The following RBFOX1 variants were observed in gnomAD, a reference collection of about 807,000 sequenced individuals.
RBFOX1 encodes RNA binding fox-1 homolog 1, also known as RNA binding protein fox-1 homolog 1.
In RBFOX1, 8 loss-of-function variants were observed where a neutral mutation model predicts 57.7. That is an observed-to-expected ratio of 0.14 (90% CI 0.08 to 0.25). The LOEUF (loss-of-function observed/expected upper bound fraction) is 0.25, where lower values mean the gene tolerates loss of function less well. Ranked by LOEUF, RBFOX1 falls within the 10% of genes least tolerant of loss-of-function variation. The pLI is 1.00. For missense variants in RBFOX1, 611 were observed against 548.5 expected, an observed-to-expected ratio of 1.11 and a Z score of -1.14; for synonymous variants, 326 against 222.4, an observed-to-expected ratio of 1.47 and a Z score of -4.15.
At chr16:5,700,084 G>A (rs1249707620) in intron 3 of RBFOX1, among the ~76,000 whole-genome samples, 12 of 152,242 alleles carry the variant, frequency 7.9e-5, no homozygotes, top group Admixed American at 2.0e-4. Flanking sequence ...TGCCCGCCTT[G>A]GCCTCCCAAA....
intron 3 of RBFOX1, among the ~76,000 whole-genome samples, chr16:6,993,011 C>T (rs2091746504): frequency 6.6e-6 from 1 of 152,102 alleles, no homozygotes; most frequent in Non-Finnish European, 1.5e-5. Flanking sequence ...GGGAATAGTT[C>T]TTGTCTGAAT....
At chr16:5,986,657 CT>C (rs1306921703) in intron 4 of RBFOX1, among the ~76,000 whole-genome samples, 2 of 152,258 alleles carry the variant, frequency 1.3e-5, no homozygotes, top group East Asian at 1.9e-4. Flanking sequence ...TTAGGATGGG[CT>C]TTTTTTCACT....
intron 3 of RBFOX1, chr16:5,611,284 A>C (rs146001277): frequency 6.6e-6 from 1 of 152,026 alleles, no homozygotes; most frequent in Non-Finnish European, 1.5e-5. Flanking sequence ...GGCTCCACTT[A>C]CTTCCTTCAT....
At chr16:6,828,501 C>G (rs768862943) in intron 3 of RBFOX1, among the ~76,000 whole-genome samples, 1 of 150,776 alleles carries the variant, frequency 6.6e-6, no homozygotes, top group African/African-American at 2.4e-5. Context: ...TCCAGCCTGG[C>G]AACAGAGCGA....
At chr16:5,339,586 G>A (rs1346138385) in intron 1 of RBFOX1, among the ~76,000 whole-genome samples, 1 of 142,920 alleles carries the variant, frequency 7.0e-6, no homozygotes, top group African/African-American at 2.6e-5. Flanking sequence ...GGGTTCAGGT[G>A]ATTCTCCTTC....
intron 2 of RBFOX1, among the ~76,000 whole-genome samples, chr16:6,327,162 T>C (rs764950189): frequency 2.6e-5 from 4 of 152,192 alleles, no homozygotes; most frequent in Non-Finnish European, 5.9e-5. Flanking sequence ...TCCAAAGCTG[T>C]GGTCATCATG....
At chr16:7,600,054 A>T (rs1423714202) in intron 9 of RBFOX1, among the ~76,000 whole-genome samples, 1 of 152,164 alleles carries the variant, frequency 6.6e-6, no homozygotes, top group Non-Finnish European at 1.5e-5. Flanking sequence ...CAACTACAAT[A>T]ACAAAAAAAT....
intron 4 of RBFOX1, among the ~76,000 whole-genome samples, chr16:7,190,225 G>T (rs949497974): frequency 6.6e-6 from 1 of 152,104 alleles, no homozygotes; most frequent in Non-Finnish European, 1.5e-5. Context: ...CCCAGGCATG[G>T]TGGCACACCT....
intron 12 of RBFOX1, among the ~76,000 whole-genome samples, chr16:7,657,648 C>G (rs1329961461): frequency 1.3e-5 from 2 of 152,200 alleles, no homozygotes; most frequent in East Asian, 1.9e-4. Context: ...CCTTCCATGT[C>G]TTGATATTTT....
At position 6,789,337 on chromosome 16, in the gene RBFOX1, G is replaced by T. The variant is rs1010272143; in HGVS notation, c.-16+134687G>T. Among the ~76,000 whole-genome samples, 4 of 152,178 alleles carry T rather than the reference G, an allele frequency of 2.6e-5. No individual in the cohort carries two copies. In the East Asian group the frequency reaches 7.7e-4, roughly 29 times the overall value. On this transcript the variant is annotated intron_variant, in intron 3 of 15. Coordinates refer to ENST00000550418, the MANE Select transcript of RBFOX1 (RefSeq NM_018723.4). ...TAAGACCTTGTCTTCAAGGTGGTGA[G>T]TTTCCGCTTTGAGATGTATTCCAGA...
At chr16:7,408,003 A>G (rs1489627626) in intron 4 of RBFOX1, among the ~76,000 whole-genome samples, 1 of 152,218 alleles carries the variant, frequency 6.6e-6, no homozygotes, top group African/African-American at 2.4e-5. Flanking sequence ...TAAAATATTT[A>G]TTCCGTGGCT....
chr16:6,880,933 T>G (rs2062807770), intron 3 of RBFOX1, among the ~76,000 whole-genome samples: 1 of 152,174 alleles, frequency 6.6e-6, no homozygotes, highest in Non-Finnish European at 1.5e-5. Flanking sequence ...AAGATGTAAA[T>G]GCTACATTAG....
At chr16:5,507,437 A>G (rs1483486844) in intron 2 of RBFOX1, among the ~76,000 whole-genome samples, 1 of 152,026 alleles carries the variant, frequency 6.6e-6, no homozygotes, top group East Asian at 1.9e-4. Flanking sequence ...TGGTGCATGA[A>G]TGGGGGTTGG....
chr16:7,026,800 T>G (rs774242751), intron 3 of RBFOX1, among the ~76,000 whole-genome samples: 5 of 152,166 alleles, frequency 3.3e-5, no homozygotes, highest in Non-Finnish European at 7.3e-5. Context: ...TAAATGAGAT[T>G]TAGAAAAAGT....
At chr16:5,731,360 T>G (rs2052367264) in intron 3 of RBFOX1, among the ~76,000 whole-genome samples, 1 of 152,190 alleles carries the variant, frequency 6.6e-6, no homozygotes, top group Admixed American at 6.5e-5. Flanking sequence ...TATTAATCAA[T>G]TCATATTTAC....
chr16:5,552,069 A>G (rs1446324257), intron 2 of RBFOX1, among the ~76,000 whole-genome samples: 3 of 152,192 alleles, frequency 2.0e-5, no homozygotes, highest in Non-Finnish European at 4.4e-5. Flanking sequence ...ATGCATAATA[A>G]TGAAACAGAC....
chr16:6,903,484 C>G (rs1015367794), intron 3 of RBFOX1, among the ~76,000 whole-genome samples: 1 of 152,176 alleles, frequency 6.6e-6, no homozygotes, highest in Non-Finnish European at 1.5e-5. Flanking sequence ...GTCTAGTGTT[C>G]AGCAAGTGCT....
At chr16:6,052,942 T>C (rs1596733818) in intron 1 of RBFOX1, among the ~76,000 whole-genome samples, 1 of 152,102 alleles carries the variant, frequency 6.6e-6, no homozygotes, top group Non-Finnish European at 1.5e-5. Context: ...TAAATATTAG[T>C]TCATCATCTT....
chr16:7,346,927 T>C (rs1012497997), intron 4 of RBFOX1, among the ~76,000 whole-genome samples: 3 of 152,162 alleles, frequency 2.0e-5, no homozygotes, highest in African/African-American at 7.2e-5. Context: ...GCAGCATTTA[T>C]ATGTTTACTG....
Sources: allele counts gnomAD v4.1 joint callset (sites outside exome capture counted in the v4.1 genomes callset), GRCh38; gene constraint gnomAD v4.1.1; transcripts MANE v1.5; gene names NCBI Gene and HGNC (gene_info 2026-07-23, HGNC 2026-07-21).